NLGN1: variants seen among roughly 807,000 people sequenced by gnomAD.
NLGN1 encodes the protein neuroligin-1.
In NLGN1, 12 loss-of-function variants were observed where a neutral mutation model predicts 65.5. That is an observed-to-expected ratio of 0.18 (90% CI 0.12 to 0.30). The LOEUF is 0.30. Ranked by LOEUF, NLGN1 falls within the 10% of genes least tolerant of loss-of-function variation. The pLI is 1.00. For synonymous variants in NLGN1, 350 were observed against 359.5 expected (o/e 0.97, Z 0.30); for missense variants, 750 against 1,007.1 (o/e 0.74, Z 3.46).
intron 3 of NLGN1, among the ~76,000 whole-genome samples, chr3:173,738,989 A>C (rs1326673250): frequency 6.6e-6 from 1 of 152,060 alleles, no homozygotes; most frequent in African/African-American, 2.4e-5. Context: ...GGAGAAAGAA[A>C]AAGACTATTC....
intron 3 of NLGN1, among the ~76,000 whole-genome samples, chr3:173,771,892 C>T (rs1046890857): frequency 6.6e-6 from 1 of 151,598 alleles, no homozygotes; most frequent in Non-Finnish European, 1.5e-5. Context: ...ATCTATAGAT[C>T]CTAAGATAGC....
At chr3:173,631,183 A>G (rs1255572339) in intron 3 of NLGN1, among the ~76,000 whole-genome samples, 1 of 152,204 alleles carries the variant, frequency 6.6e-6, no homozygotes, top group East Asian at 1.9e-4. Context: ...TCAACTCTCT[A>G]TGAAATGACT....
At position 173,524,512 on chromosome 3, in the gene NLGN1, A is replaced by G. The variant is rs1341321369; in HGVS notation, c.-320-79767A>G. Among the ~76,000 whole-genome samples, 6 of 152,196 alleles carry G rather than the reference A, an allele frequency of 3.9e-5. No homozygotes were observed. The East Asian group carries it at 1.2e-3, about 29-fold the overall frequency. On this transcript the variant is annotated intron_variant, in intron 2 of 6. Transcript: ENST00000457714. ...GTATACAATCATGTTATCAGCAAAC[A>G]GAGATTACTTGGCTTCTCTTTTCTA...
chr3:173,446,076 T>G (rs1399933591), intron 2 of NLGN1, among the ~76,000 whole-genome samples: 9 of 151,922 alleles, frequency 5.9e-5, no homozygotes, highest in Non-Finnish European at 1.2e-4. Flanking sequence ...TTTTTTACTA[T>G]TATTATACTT....
intron 4 of NLGN1, among the ~76,000 whole-genome samples, chr3:174,106,445 C>G (rs1233694417): frequency 6.6e-6 from 1 of 152,030 alleles, no homozygotes; most frequent in East Asian, 1.9e-4. Flanking sequence ...AAAAAATATT[C>G]TCTTCTTGTC....
chr3:173,913,217 A>G (rs1739993352), intron 4 of NLGN1, among the ~76,000 whole-genome samples: 1 of 152,214 alleles, frequency 6.6e-6, no homozygotes, highest in Non-Finnish European at 1.5e-5. Flanking sequence ...AAGGATTCTA[A>G]ATTACACACC....
chr3:173,811,318 C>T (rs1236930103), intron 4 of NLGN1, among the ~76,000 whole-genome samples: 1 of 151,838 alleles, frequency 6.6e-6, no homozygotes, highest in Non-Finnish European at 1.5e-5. Flanking sequence ...AATCCCAGCA[C>T]CTTGGGAGGC....
intron 2 of NLGN1, among the ~76,000 whole-genome samples, chr3:173,566,494 C>A (rs1743689230): frequency 6.6e-6 from 1 of 152,092 alleles, no homozygotes; most frequent in Non-Finnish European, 1.5e-5. Context: ...AAAATTCTGT[C>A]AAATTAATAA....
intron 4 of NLGN1, among the ~76,000 whole-genome samples, chr3:174,053,238 C>T (rs1276544143): frequency 6.6e-6 from 1 of 151,828 alleles, no homozygotes. Flanking sequence ...GTGTGCTTCT[C>T]AACAAAGTAA....
the NLGN1 span, among the ~76,000 whole-genome samples, chr3:174,293,381 A>G: frequency 1.3e-5 from 2 of 151,598 alleles, no homozygotes; most frequent in African/African-American, 4.8e-5. Flanking sequence ...AATAAAATTA[A>G]TAATACACGA....
intron 4 of NLGN1, among the ~76,000 whole-genome samples, chr3:173,901,266 G>A (rs1458053672): frequency 2.6e-5 from 4 of 151,806 alleles, no homozygotes; most frequent in African/African-American, 9.7e-5. Context: ...CTGCAGGAAG[G>A]AGATGAGGAG....
intron 4 of NLGN1, among the ~76,000 whole-genome samples, chr3:174,268,779 C>T (rs1352231377): frequency 6.6e-6 from 1 of 152,016 alleles, no homozygotes; most frequent in African/African-American, 2.4e-5. Flanking sequence ...CTGTACTCCC[C>T]CGTGTCCAGC....
At chr3:173,726,852 A>G (rs531482808) in intron 3 of NLGN1, among the ~76,000 whole-genome samples, 31 of 152,088 alleles carry the variant, frequency 2.0e-4, no homozygotes, top group Admixed American at 3.3e-4. Context: ...TAAAATTAAT[A>G]ACAGTCAGTA....
chr3:173,781,610 T>A (rs558156556), intron 3 of NLGN1, among the ~76,000 whole-genome samples: 5 of 152,292 alleles, frequency 3.3e-5, no homozygotes, highest in African/African-American at 1.2e-4. Flanking sequence ...TGAAACGTAT[T>A]GAATAGAGAC....
At chr3:173,694,652 C>A (rs1467618077) in intron 3 of NLGN1, among the ~76,000 whole-genome samples, 1 of 151,998 alleles carries the variant, frequency 6.6e-6, no homozygotes, top group East Asian at 1.9e-4. Context: ...TTCATAGGTA[C>A]CATTGAAAAT....
chr3:174,046,989 C>T (rs1733753928), intron 4 of NLGN1, among the ~76,000 whole-genome samples: 1 of 151,766 alleles, frequency 6.6e-6, no homozygotes, highest in East Asian at 1.9e-4. Flanking sequence ...GGAAAGTTAT[C>T]AATGATGAAA....
chr3:174,270,547 AT>A (rs1364787200), intron 4 of NLGN1, among the ~76,000 whole-genome samples: 1 of 151,858 alleles, frequency 6.6e-6, no homozygotes, highest in Non-Finnish European at 1.5e-5. Flanking sequence ...TAGCATGAGG[AT>A]TTTATTTCTG....
At chr3:173,707,972 T>C (rs188241902) in intron 3 of NLGN1, among the ~76,000 whole-genome samples, 1 of 152,340 alleles carries the variant, frequency 6.6e-6, no homozygotes, top group Admixed American at 6.5e-5. Context: ...CCTTTTACTA[T>C]CATAAATGTA....
intron 2 of NLGN1, among the ~76,000 whole-genome samples, chr3:173,526,828 T>G (rs1472334054): frequency 1.3e-5 from 2 of 152,238 alleles, no homozygotes; most frequent in African/African-American, 4.8e-5. Context: ...CTCTCACAAA[T>G]AAGTGAGAAC....
Sources: allele counts gnomAD v4.1 joint callset (sites outside exome capture counted in the v4.1 genomes callset), GRCh38; gene constraint gnomAD v4.1.1; transcripts MANE v1.5; gene names NCBI Gene and HGNC (gene_info 2026-07-23, HGNC 2026-07-21).